The following IFT70A variants were observed in gnomAD, a reference collection of about 807,000 sequenced individuals.
IFT70A encodes intraflagellar transport protein 70A.
the IFT70A span, chr2:177,618,662 A>C: frequency 1.9e-6 from 3 of 1,601,912 alleles, no homozygotes; most frequent in East Asian, 4.5e-5. Flanking sequence ...AGCGCGGTAA[A>C]CTCCCCGTCG....
At chr2:177,618,642 C>A in the IFT70A span, 1 of 1,608,676 alleles carries the variant, frequency 6.2e-7, no homozygotes, top group Non-Finnish European at 8.5e-7. Context: ...CGCGGATGAG[C>A]CGGTACACTA....
the IFT70A span, chr2:177,618,583 C>T: frequency 1.2e-6 from 2 of 1,601,818 alleles, no homozygotes; most frequent in Non-Finnish European, 8.5e-7. Flanking sequence ...CCTGGGGCTC[C>T]GCTGCAGTTC....
chr2:177,618,249 G>C, the IFT70A span: 21 of 1,614,114 alleles, frequency 1.3e-5, no homozygotes, highest in Admixed American at 3.3e-5. Flanking sequence ...CGGTCTCATT[G>C]TCGCCTCCAC....
At chr2:177,618,433 T>C in the IFT70A span, 1 of 1,610,044 alleles carries the variant, frequency 6.2e-7, no homozygotes, top group South Asian at 1.1e-5. Flanking sequence ...GCAGGCCTTG[T>C]ACAGGGCCTG....
chr2:177,616,920 T>C, the IFT70A span: 4 of 1,597,734 alleles, frequency 2.5e-6, no homozygotes, highest in East Asian at 2.2e-5. Context: ...ACATGTTTTC[T>C]AACAAGGACA....
At chr2:177,618,356 G>A in the IFT70A span, 104 of 1,613,508 alleles carry the variant, frequency 6.4e-5, no homozygotes, top group Non-Finnish European at 8.5e-5. Flanking sequence ...TGCAGGCGGA[G>A]GACCCGGCTG....
At chr2:177,617,365 A>G in the IFT70A span, 2 of 1,597,136 alleles carry the variant, frequency 1.3e-6, no homozygotes, top group Non-Finnish European at 8.5e-7. Context: ...TTTGCGGAAG[A>G]CCTTTTCCAC....
At chr2:177,615,202 TAAAG>T in the IFT70A span, 1 of 152,208 alleles carries the variant, frequency 6.6e-6, no homozygotes, top group Non-Finnish European at 1.5e-5. Context: ...GACTGGCATC[TAAAG>T]GCCTTCATGT....
chr2:177,618,069 G>T, the IFT70A span: 2 of 1,614,214 alleles, frequency 1.2e-6, no homozygotes, highest in Non-Finnish European at 1.7e-6. Flanking sequence ...TAATCTCAGC[G>T]ATATGCTTCA....
the IFT70A span, chr2:177,615,416 T>A: frequency 6.6e-6 from 1 of 152,224 alleles, no homozygotes; most frequent in African/African-American, 2.4e-5. Flanking sequence ...CATTTCTAAA[T>A]ACTTATAAAA....
the IFT70A span, chr2:177,617,077 T>C: frequency 6.2e-6 from 10 of 1,613,468 alleles, no homozygotes; most frequent in African/African-American, 6.7e-5. Flanking sequence ...AATGCAGAGA[T>C]GGTACATTTT....
the IFT70A span, chr2:177,616,790 T>A: frequency 1.9e-6 from 3 of 1,594,648 alleles, no homozygotes; most frequent in Non-Finnish European, 2.6e-6. Flanking sequence ...ACATGCATTC[T>A]TTCTTCTTCG....
chr2:177,618,741 A>AGGGCAACC, the IFT70A span: 22 of 1,505,432 alleles, frequency 1.5e-5, no homozygotes, highest in African/African-American at 2.8e-5. Context: ...CCACGGCAAC[A>AGGGCAACC]GGGCAACCGG....
chr2:177,616,902 G>A, the IFT70A span: 1 of 1,596,332 alleles, frequency 6.3e-7, no homozygotes, highest in Non-Finnish European at 8.5e-7. Context: ...TGACTATCAT[G>A]TGTTTTGACA....
At chr2:177,618,047 T>A in the IFT70A span, 1 of 1,614,108 alleles carries the variant, frequency 6.2e-7, no homozygotes, top group East Asian at 2.2e-5. Context: ...TGCTGGCGGA[T>A]GCCACGCTCA....
At chr2:177,617,217 A>G in the IFT70A span, 5 of 1,600,974 alleles carry the variant, frequency 3.1e-6, no homozygotes, top group Non-Finnish European at 3.4e-6. Flanking sequence ...TAGCACTGAC[A>G]TTCAGGATGT....
chr2:177,617,772 C>T, the IFT70A span: 1 of 1,614,208 alleles, frequency 6.2e-7, no homozygotes, highest in African/African-American at 1.3e-5. Flanking sequence ...GGAGCAAAAA[C>T]TGTAGCTTTT....
the IFT70A span, chr2:177,618,643 C>G: frequency 6.2e-7 from 1 of 1,608,858 alleles, no homozygotes; most frequent in South Asian, 1.1e-5. Context: ...GCGGATGAGC[C>G]GGTACACTAG....
At chr2:177,617,193 A>T in the IFT70A span, 1 of 1,610,182 alleles carries the variant, frequency 6.2e-7, no homozygotes. Flanking sequence ...AAACACAGAG[A>T]TTAGCCAGTA....
Sources: allele counts gnomAD v4.1 joint callset, GRCh38; gene constraint gnomAD v4.1.1; transcripts MANE v1.5; gene names NCBI Gene and HGNC (gene_info 2026-07-23, HGNC 2026-07-21).